The following ST6GALNAC3 variants were observed in gnomAD, a reference collection of about 807,000 sequenced individuals.
ST6GALNAC3 encodes alpha-N-acetylgalactosaminide alpha-2,6-sialyltransferase 3.
In ST6GALNAC3, 25 loss-of-function variants were observed where a neutral mutation model predicts 32.7. The observed-to-expected ratio is 0.76, with a 90% CI of 0.56 to 1.07. The LOEUF (loss-of-function observed/expected upper bound fraction) is 1.07. ST6GALNAC3 is among the 50% of genes least tolerant of loss of function. The pLI, the probability that ST6GALNAC3 is intolerant of heterozygous loss-of-function variation, is 0.00. For missense variants in ST6GALNAC3, 355 were observed against 382.4 expected (o/e 0.93, Z 0.60); for synonymous variants, 129 against 133.1 (o/e 0.97, Z 0.21).
At chr1:76,459,989 T>C (rs1008366473) in intron 3 of ST6GALNAC3, among the ~76,000 whole-genome samples, 1 of 152,214 alleles carries the variant, frequency 6.6e-6, no homozygotes, top group African/African-American at 2.4e-5. Context: ...TTTTCAGTTC[T>C]TTTGGGAATA....
intron 3 of ST6GALNAC3, among the ~76,000 whole-genome samples, chr1:76,618,667 A>G (rs1200913108): frequency 6.6e-6 from 1 of 152,122 alleles, no homozygotes; most frequent in African/African-American, 2.4e-5. Flanking sequence ...TTTTGGGCTC[A>G]TGTTGATCCC....
chr1:76,092,349 A>G (rs1332563720), intron 1 of ST6GALNAC3, among the ~76,000 whole-genome samples: 2 of 152,212 alleles, frequency 1.3e-5, no homozygotes, highest in African/African-American at 4.8e-5. Context: ...TTTGTGGCTA[A>G]TCCCTTGGTA....
At chr1:76,367,536 G>A (rs1650472137) in intron 2 of ST6GALNAC3, among the ~76,000 whole-genome samples, 1 of 152,040 alleles carries the variant, frequency 6.6e-6, no homozygotes, top group African/African-American at 2.4e-5. Flanking sequence ...TTTGAGTGGG[G>A]CAAAAGTTCA....
At chr1:76,571,059 G>A (rs943455099) in intron 3 of ST6GALNAC3, among the ~76,000 whole-genome samples, 2 of 152,170 alleles carry the variant, frequency 1.3e-5, no homozygotes, top group African/African-American at 4.8e-5. Flanking sequence ...GTTGCTAATG[G>A]ATGAGGCTTC....
rs71071992 is a variant in ST6GALNAC3, at chr1:76,184,519, GCACACACACACACA to G, written c.18+109665_18+109678del. ...GTGCCACTGCATTCCCTCCTGGGCA[GCACACACACACACA>G]CACACACACACACACACACACACAC... On this transcript the variant is annotated intron_variant, in intron 1 of 4. Coordinates refer to ENST00000328299, the MANE Select transcript of ST6GALNAC3 (RefSeq NM_152996.4). Among the ~76,000 whole-genome samples, 303 of 134,172 alleles carry G rather than the reference GCACACACACACACA, an allele frequency of 2.3e-3. 2 individuals carry two copies. Among genetic ancestry groups the G allele is most frequent in the African/African-American group, 7.8e-3 (273 of 34,798 alleles). 88.0% of individuals were successfully genotyped at this position (134,172 alleles called of 152,430 possible). A position where few individuals can be genotyped will look rare whatever the true frequency, so the allele number is the denominator to read the frequency against.
At chr1:76,480,991 C>A (rs1443597171) in intron 3 of ST6GALNAC3, among the ~76,000 whole-genome samples, 1 of 152,030 alleles carries the variant, frequency 6.6e-6, no homozygotes, top group African/African-American at 2.4e-5. Flanking sequence ...AGTTGTAATT[C>A]AGGAGCAGAC....
At chr1:76,393,598 T>C (rs61771514) in intron 2 of ST6GALNAC3, among the ~76,000 whole-genome samples, 6,846 of 152,228 alleles carry the variant, frequency 0.045, 223 homozygotes, top group African/African-American at 0.086. Flanking sequence ...ACATTTAGCT[T>C]TATTACTAGC....
intron 2 of ST6GALNAC3, among the ~76,000 whole-genome samples, chr1:76,352,519 T>C (rs1389276322): frequency 2.7e-5 from 4 of 147,470 alleles, no homozygotes; most frequent in Admixed American, 2.7e-4. Context: ...TTTTTTTTTT[T>C]ACCTCCGGCC....
At chr1:76,372,337 G>T (rs765651313) in intron 2 of ST6GALNAC3, among the ~76,000 whole-genome samples, 1 of 151,918 alleles carries the variant, frequency 6.6e-6, no homozygotes, top group Non-Finnish European at 1.5e-5. Flanking sequence ...GGGGTACAAT[G>T]TAATGTTTTA....
chr1:76,110,473 TGA>T (rs1362960474), intron 1 of ST6GALNAC3, among the ~76,000 whole-genome samples: 1 of 152,270 alleles, frequency 6.6e-6, no homozygotes, highest in Non-Finnish European at 1.5e-5. Context: ...ACAGTGTGTG[TGA>T]GTCTTGGGAG....
At chr1:76,563,264 G>T (rs1665353123) in intron 3 of ST6GALNAC3, among the ~76,000 whole-genome samples, 1 of 152,346 alleles carries the variant, frequency 6.6e-6, no homozygotes, top group Non-Finnish European at 1.5e-5. Flanking sequence ...AGAAAGGGAT[G>T]TTAGGCCTTG....
chr1:76,602,381 T>G (rs1369965325), intron 3 of ST6GALNAC3, among the ~76,000 whole-genome samples: 7 of 151,390 alleles, frequency 4.6e-5, no homozygotes, highest in Non-Finnish European at 1.0e-4. Flanking sequence ...CATAAGTGAG[T>G]GTGGGTGGGT....
chr1:76,089,025 A>T (rs1304597809), intron 1 of ST6GALNAC3, among the ~76,000 whole-genome samples: 1 of 151,766 alleles, frequency 6.6e-6, no homozygotes, highest in Admixed American at 6.6e-5. Context: ...ATGGGGAAAC[A>T]CTAAAGGATT....
At chr1:76,148,466 C>A (rs1011172088) in intron 1 of ST6GALNAC3, among the ~76,000 whole-genome samples, 2 of 152,188 alleles carry the variant, frequency 1.3e-5, no homozygotes, top group Admixed American at 6.5e-5. Context: ...CAATTTAGGG[C>A]AAATTTGTTT....
At chr1:76,238,008 C>T (rs1019761504) in intron 1 of ST6GALNAC3, among the ~76,000 whole-genome samples, 3 of 152,144 alleles carry the variant, frequency 2.0e-5, no homozygotes, top group African/African-American at 7.2e-5. Context: ...AAGTGCTTTC[C>T]GAATTATTTC....
At chr1:76,394,254 A>G (rs767055928) in intron 2 of ST6GALNAC3, among the ~76,000 whole-genome samples, 2 of 152,220 alleles carry the variant, frequency 1.3e-5, no homozygotes, top group Non-Finnish European at 2.9e-5. Flanking sequence ...GCTTCCTTTT[A>G]TTCTAGCATG....
At chr1:76,207,903 T>A (rs996303192) in intron 1 of ST6GALNAC3, among the ~76,000 whole-genome samples, 9 of 152,184 alleles carry the variant, frequency 5.9e-5, no homozygotes, top group Non-Finnish European at 1.3e-4. Context: ...GTGCCTAACA[T>A]AAAATGATCT....
chr1:76,610,793 C>G lies in ST6GALNAC3; in HGVS notation c.624-16659C>G, dbSNP rs1164266314. On this transcript the variant is annotated intron_variant, in intron 3 of 4. Transcript: ENST00000328299. Reference sequence around the variant, plus strand: ...ATTATTATAGTCAAAATACTTCACACAATTAAGGGTTTAGGCATGAAAACA... The same window carrying G: ...ATTATTATAGTCAAAATACTTCACAGAATTAAGGGTTTAGGCATGAAAACA... Among the ~76,000 whole-genome samples the G allele has an allele frequency of 2.0e-5, 3 of 152,058 alleles. 1 individual carries two copies. Among genetic ancestry groups the G allele is most frequent in the South Asian group, 4.1e-4 (2 of 4,822 alleles).
chr1:76,494,468 T>TATATACACAC lies in ST6GALNAC3; in HGVS notation c.623+82052_623+82053insTATACACACA, dbSNP rs1472545640. ...ATATATATATATATATATATATATA[T>TATATACACAC]ACACACACACACACACACTTTCCCT... On this transcript the variant is annotated intron_variant, in intron 3 of 4. Transcript: ENST00000328299. 5.1e-3 allele frequency among the ~76,000 whole-genome samples: 306 copies of TATATACACAC among 59,524 alleles called. 42 individuals carry two copies. Among genetic ancestry groups the TATATACACAC allele is most frequent in the Middle Eastern group, 0.021 (2 of 94 alleles). The allele number at this position is 59,524 out of a possible 152,430, so 39.1% of individuals were successfully genotyped here.
Sources: gnomAD v4.1 joint callset for allele counts (sites outside exome capture counted in the v4.1 genomes callset) on GRCh38, gnomAD v4.1.1 for gene constraint, MANE v1.5 for transcripts, NCBI Gene and HGNC (gene_info 2026-07-23, HGNC 2026-07-21) for gene names.